GRM6: variants seen among roughly 807,000 people sequenced by gnomAD.
GRM6 encodes the protein metabotropic glutamate receptor 6.
In GRM6, 73 loss-of-function variants were observed where a neutral mutation model predicts 78.4. The ratio of observed to expected loss-of-function variants is 0.93; its 90% CI spans 0.77 to 1.13. The LOEUF (loss-of-function observed/expected upper bound fraction) is 1.13. GRM6 is among the 50% of genes most tolerant of loss of function. GRM6 has a pLI of 0.00. For missense variants in GRM6, 1,251 were observed against 1,256.4 expected, an observed-to-expected ratio of 1.00 and a Z score of 0.07; for synonymous variants, 580 against 555.0, an observed-to-expected ratio of 1.05 and a Z score of -0.63.
In GRM6 at chr5:178,986,987, G is replaced by T. The variant is rs1261311324; in HGVS notation, c.1355-4C>A. ...ATCACAGGGGTTCCTGCGCTGCCTG[G>T]AGAGAGAGTCCGTCATCCTCGGTGG... is the stretch of plus-strand genomic sequence containing the variant. On this transcript the variant is annotated splice_polypyrimidine_tract_variant and splice_region_variant and intron_variant, in intron 7 of 10. Coordinates refer to ENST00000517717, the MANE Select transcript of GRM6 (RefSeq NM_000843.4). 19 of 1,613,186 alleles carry T rather than the reference G, an allele frequency of 1.2e-5. No individual in the cohort carries two copies. Among genetic ancestry groups the T allele is most frequent in the Non-Finnish European group, 1.6e-5 (19 of 1,179,630 alleles).
Position 178,986,727 on chromosome 5 carries a change from G to T in GRM6, c.1527C>A (p.Asp509Glu), listed in dbSNP as rs746370837. 6.2e-7 allele frequency: 1 copy of T among 1,605,406 alleles called. No homozygotes were observed. The highest frequency in any genetic ancestry group is 8.5e-7 in the Non-Finnish European group (1 of 1,179,144). The part of the protein sequence containing the change: ...LDVEALQWSG[D>E]PHEVPSSLCS... ...ACAGAGACGAGGGCACCTCGTGGGG[G>T]TCGCCAGACCACTGCAGGGCCTCCA... The change falls in exon 9 of 11, where the codon GAC (aspartate) becomes GAA (glutamate). Residue 509 changes from aspartate (D) to glutamate (E), a missense_variant. Asp to Glu is a conservative substitution (Grantham distance 45, BLOSUM62 2). Coordinates refer to ENST00000517717, the MANE Select transcript of GRM6 (RefSeq NM_000843.4).
At chr5:178,985,493 GGA>G (rs1760498153) in intron 9 of GRM6, 1 of 342,644 alleles carries the variant, frequency 2.9e-6, no homozygotes, top group Admixed American at 4.0e-5. Context: ...CACGAGGTCA[GGA>G]GATCGAGACC....
Position 178,978,948 on chromosome 5 carries a change from A to C in GRM6, c.*2709T>G, listed in dbSNP as rs530751227. ...TTAGGGAGCTGTCAACCTCCACTGA[A>C]CACCACAGAAATGATCAAAGAGGCT... On this transcript the variant is annotated 3_prime_UTR_variant, in exon 11 of 11. Transcript: ENST00000517717. The C allele has an allele frequency of 2.6e-5, 4 of 152,288 alleles. No homozygotes were observed. Among genetic ancestry groups the C allele is most frequent in the African/African-American group, 9.6e-5 (4 of 41,556 alleles). 9.4% of individuals were successfully genotyped at this position (152,288 alleles called of 1,614,324 possible). A position where few individuals can be genotyped will look rare whatever the true frequency, so the allele number is the denominator to read the frequency against.
In GRM6 at chr5:178,994,592, C is replaced by T; in HGVS notation, c.353G>A (p.Arg118His). ...QALSFVQALI[R>H]GRGDGDEVGV... ...CACCTCGTCGCCGTCGCCGCGGCCGCGGATCAGCGCCTGCACGAAGCTCAG... is the reference window on the plus strand; with the variant it reads ...CACCTCGTCGCCGTCGCCGCGGCCGTGGATCAGCGCCTGCACGAAGCTCAG... Residue 118 changes from arginine (R) to histidine (H), a missense_variant, in exon 2 of 11, where the codon CGC (arginine) becomes CAC (histidine). Physicochemically the swap from Arg to His is conservative, Grantham distance 29 (BLOSUM62 0). Transcript: ENST00000517717. 7.4e-7 allele frequency: 1 copy of T among 1,352,936 alleles called. No individual in the cohort carries two copies. Among genetic ancestry groups the T allele is most frequent in the Non-Finnish European group, 9.5e-7 (1 of 1,055,652 alleles). The allele number at this position is 1,352,936 out of a possible 1,614,324, so 83.8% of individuals were successfully genotyped here. A position where few individuals can be genotyped will look rare whatever the true frequency, so the allele number is the denominator to read the frequency against.
In GRM6 at chr5:178,989,296, G is replaced by C. The variant is rs1401893817; in HGVS notation, c.1122C>G (p.Thr374=). The change falls in exon 6 of 11, where the codon ACC becomes ACG. Residue 374 remains threonine, a synonymous_variant. Coordinates refer to ENST00000517717, the MANE Select transcript of GRM6 (RefSeq NM_000843.4). ...ATTTGCGGGTGGAATCGTCTGACTG[G>C]GTACCTGAGCTGGTCAGTTTGCAGT... ...NFNCKLTSSG[T]QSDDSTRKCT... The C allele has an allele frequency of 6.2e-7, 1 of 1,613,156 alleles. No homozygotes were observed. Among genetic ancestry groups the C allele is most frequent in the Non-Finnish European group, 8.5e-7 (1 of 1,179,808 alleles).
rs755273307 is a variant in GRM6, at chr5:178,994,761, T to C, written c.184A>G (p.Lys62Glu). ...TCCAGCCGGTGCACGCCCTGCTCCT[T>C]CTTCAGCTGCCCGCACGCCCGGCCC... ...AAGRACGQLK[K>E]EQGVHRLEAM... is the part of the protein sequence containing the mutation. Residue 62 changes from lysine to glutamate, a missense_variant, in exon 2 of 11, where the codon AAG becomes GAG. Physicochemically the swap from Lys to Glu is moderately conservative, Grantham distance 56. Coordinates refer to ENST00000517717, the MANE Select transcript of GRM6 (RefSeq NM_000843.4). 4 of 1,399,790 alleles carry C rather than the reference T, an allele frequency of 2.9e-6. No homozygotes were observed. The highest frequency in any genetic ancestry group is 3.7e-6 in the Non-Finnish European group (4 of 1,071,470). The allele number at this position is 1,399,790 out of a possible 1,614,324, so 86.7% of individuals were successfully genotyped here.
At chr5:178,984,610 G>T (rs1415991617) in intron 9 of GRM6, among the ~76,000 whole-genome samples, 22 of 152,150 alleles carry the variant, frequency 1.4e-4, no homozygotes, top group Non-Finnish European at 1.3e-4. Flanking sequence ...CCACCTGAGG[G>T]TGGGGGAGCA....
At position 178,988,980 on chromosome 5, in the gene GRM6, C is replaced by A; in HGVS notation, c.1309G>T (p.Asp437Tyr). 6.2e-7 allele frequency: 1 copy of A among 1,614,034 alleles called. No individual in the cohort carries two copies. The highest frequency in any genetic ancestry group is 2.2e-5 in the East Asian group (1 of 44,862). The change falls in exon 7 of 11, where the codon GAT becomes TAT. Residue 437 changes from aspartate (D) to tyrosine (Y), a missense_variant. By Grantham distance (160) the Asp-to-Tyr change is radical (BLOSUM62 -3). Transcript: ENST00000517717. This position sits in a 1 kb window ranked among gnomAD's most constrained non-coding sequence, Gnocchi z 6.0. Reference sequence around the variant, plus strand: ...ATGTACTGCAGAAGCATCCGCCCATCAGTGGGTTCCATCGCCGGGCACAGG... The same window carrying A: ...ATGTACTGCAGAAGCATCCGCCCATAAGTGGGTTCCATCGCCGGGCACAGG... ...TGLCPAMEPTDGRMLLQYIRA... is the reference protein window; with the variant it reads ...TGLCPAMEPTYGRMLLQYIRA...
chr5:178,989,217 A>AGG, intron 6 of GRM6, 48 bp downstream of exon 6: 16 of 954,782 alleles, frequency 1.7e-5, no homozygotes, highest in Non-Finnish European at 2.2e-5. Context: ...CCCCACCCTC[A>AGG]CCACCCTCCC....
chr5:178,989,574 C>T (rs547035865), intron 5 of GRM6, among the ~76,000 whole-genome samples, 169 bp from the exon 6 acceptor site: 5 of 150,312 alleles, frequency 3.3e-5, no homozygotes, highest in Admixed American at 1.3e-4. Flanking sequence ...GTGAGTTAGG[C>T]GTGGCCAGGT....
Position 178,988,213 on chromosome 5 carries a change from G to A in GRM6, c.1354+722C>T, listed in dbSNP as rs1760604670. Among the ~76,000 whole-genome samples, 1 of 152,196 alleles carries A rather than the reference G, an allele frequency of 6.6e-6. No individual in the cohort carries two copies. The highest frequency in any genetic ancestry group is 2.1e-4 in the South Asian group (1 of 4,834). ...GACACGGAGAGAGGTCTGAGTGACA[G>A]TATGAAATTGGAATGACTTGAACAA... On this transcript the variant is annotated intron_variant, in intron 7 of 10. Transcript: ENST00000517717. This position sits in a 1 kb window ranked among gnomAD's most constrained non-coding sequence, Gnocchi z 6.0.
chr5:178,984,491 G>A lies in GRM6; in HGVS notation c.2125-1270C>T, dbSNP rs148913613. On this transcript the variant is annotated intron_variant, in intron 9 of 10. Coordinates refer to ENST00000517717, the MANE Select transcript of GRM6 (RefSeq NM_000843.4). ...AAACACCTAGGCCAGTTGCAGGCTT[G>A]TGTGTTTTTAAAGATCCCTTGTATC... Among the ~76,000 whole-genome samples, 1,356 of 152,300 alleles carry A rather than the reference G, an allele frequency of 8.9e-3. 19 individuals are homozygous for A. The highest frequency in any genetic ancestry group is 0.031 in the African/African-American group (1,302 of 41,552).
At position 178,989,149 on chromosome 5, in the gene GRM6, GC is replaced by G; in HGVS notation, c.1154-15del. 6.2e-7 allele frequency: 1 copy of G among 1,612,684 alleles called. No homozygotes were observed. Among genetic ancestry groups the G allele is most frequent in the Non-Finnish European group, 8.5e-7 (1 of 1,179,370 alleles). On this transcript the variant is annotated splice_polypyrimidine_tract_variant and intron_variant, in intron 6 of 10. Coordinates refer to ENST00000517717, the MANE Select transcript of GRM6 (RefSeq NM_000843.4). ...TGCGTTCCTCGCCTGTCCTAGGGAT[GC>G]CCAGAGAAAGTGTGCCCGGCCCCCA...
At chr5:178,984,307 C>T (rs1221026433) in intron 9 of GRM6, among the ~76,000 whole-genome samples, 4 of 151,876 alleles carry the variant, frequency 2.6e-5, no homozygotes, top group East Asian at 1.9e-4. Flanking sequence ...TCACTCGGAA[C>T]GGACTCCTGC....
At chr5:178,990,025 G>A (rs75963191) in intron 5 of GRM6, 4,959 of 199,118 alleles carry the variant, frequency 0.025, 294 homozygotes, top group African/African-American at 0.11. Context: ...AAGGCGTGAT[G>A]GTATATATCC....
chr5:178,984,778 G>C (rs1282157328), intron 9 of GRM6, among the ~76,000 whole-genome samples: 6 of 152,154 alleles, frequency 3.9e-5, no homozygotes, highest in Admixed American at 3.9e-4. Flanking sequence ...CACGTGGCGT[G>C]TGTGGAACGA....
intron 9 of GRM6, among the ~76,000 whole-genome samples, chr5:178,984,423 G>C (rs1412971128): frequency 6.6e-6 from 1 of 152,238 alleles, no homozygotes; most frequent in East Asian, 1.9e-4. Context: ...AAGCCACAGT[G>C]AGATGCCATT....
chr5:178,990,909 C>G, intron 4 of GRM6, 163 bp from the exon 5 acceptor site: 1 of 646,210 alleles, frequency 1.5e-6, no homozygotes, highest in Non-Finnish European at 2.7e-6. Flanking sequence ...CTTCCCTGGG[C>G]TTTCCTCTGA....
chr5:178,993,761 A>T (rs754915786), intron 2 of GRM6, among the ~76,000 whole-genome samples: 15 of 152,128 alleles, frequency 9.9e-5, no homozygotes, highest in Non-Finnish European at 2.1e-4. Context: ...TGCAAGGAAC[A>T]CGCTGCCCCT....
Sources: allele counts gnomAD v4.1 joint callset (sites outside exome capture counted in the v4.1 genomes callset), GRCh38; gene constraint gnomAD v4.1.1; non-coding constraint Gnocchi (gnomAD v3.1); transcripts MANE v1.5; gene names NCBI Gene and HGNC (gene_info 2026-07-23, HGNC 2026-07-21).